ANO10: variants seen among roughly 807,000 people sequenced by gnomAD.
ANO10 encodes anoctamin-10.
A neutral mutation model predicts 74.7 loss-of-function variants in ANO10; 77 were observed. The ratio of observed to expected loss-of-function variants is 1.03; its 90% CI spans 0.86 to 1.25. ANO10 has a LOEUF of 1.25. Among genes scored for constraint, ANO10 ranks in the 50% most tolerant of loss-of-function variants. The probability of loss-of-function intolerance (pLI) is 0.00; values close to 1 mark genes in which losing one functional copy is unlikely to be tolerated. For synonymous variants in ANO10, 279 were observed against 284.9 expected, an observed-to-expected ratio of 0.98 and a Z score of 0.21; for missense variants, 721 against 778.1, an observed-to-expected ratio of 0.93 and a Z score of 0.87.
chr3:43,404,684 C>G (rs1444462528), intron 12 of ANO10, among the ~76,000 whole-genome samples: 1 of 151,678 alleles, frequency 6.6e-6, no homozygotes, highest in African/African-American at 2.4e-5. Context: ...GAGTTTGAGA[C>G]CAGTCTAGGC....
At chr3:43,658,428 T>C (rs896738416) in intron 1 of ANO10, among the ~76,000 whole-genome samples, 39 of 151,994 alleles carry the variant, frequency 2.6e-4, no homozygotes, top group Non-Finnish European at 1.9e-4. Context: ...ATGAATATGG[T>C]GTGAAAGAAG....
chr3:43,670,992 C>A (rs2084052504), intron 1 of ANO10, among the ~76,000 whole-genome samples: 1 of 152,144 alleles, frequency 6.6e-6, no homozygotes, highest in South Asian at 2.1e-4. Context: ...AGCAAAGAAA[C>A]AGAGAAAAGA....
At chr3:43,573,089 CAAT>C (rs960312846) in intron 7 of ANO10, among the ~76,000 whole-genome samples, 8 of 151,040 alleles carry the variant, frequency 5.3e-5, no homozygotes, top group African/African-American at 2.0e-4. Flanking sequence ...TTAAGACAAA[CAAT>C]GTTTTTACCT....
intron 7 of ANO10, among the ~76,000 whole-genome samples, chr3:43,566,017 C>A (rs1293960559): frequency 6.6e-6 from 1 of 152,132 alleles, no homozygotes; most frequent in African/African-American, 2.4e-5. Context: ...GCATTGCCTC[C>A]CTTGGGAAGC....
In ANO10 at chr3:43,479,694, G is replaced by A. The variant is rs896613491; in HGVS notation, c.1798-46967C>T. On this transcript the variant is annotated intron_variant, in intron 11 of 12. Transcript: ENST00000292246. ...ACCTGGGAGACTTCTGGATTAAACA[G>A]ATGAACTTACGTCTGCTCTCCCCTC... 8.5e-5 allele frequency among the ~76,000 whole-genome samples: 13 copies of A among 152,332 alleles called. 1 individual carries two copies. The highest frequency in any genetic ancestry group is 7.7e-4 in the East Asian group (4 of 5,186).
At chr3:43,603,923 G>T (rs1189411152) in intron 2 of ANO10, among the ~76,000 whole-genome samples, 1 of 152,156 alleles carries the variant, frequency 6.6e-6, no homozygotes, top group South Asian at 2.1e-4. Flanking sequence ...GTAGGGGAAA[G>T]GGGAATGGTA....
chr3:43,457,797 TGGA>T (rs1452552109), intron 11 of ANO10, among the ~76,000 whole-genome samples: 4 of 152,182 alleles, frequency 2.6e-5, no homozygotes, highest in African/African-American at 4.8e-5. Flanking sequence ...CAGTACCAGG[TGGA>T]AATCAAATTA....
At chr3:43,387,747 G>C (rs140326505) in intron 12 of ANO10, among the ~76,000 whole-genome samples, 1 of 152,142 alleles carries the variant, frequency 6.6e-6, no homozygotes, top group Non-Finnish European at 1.5e-5. Context: ...TTCTGTGGGG[G>C]AGCTCCTCTG....
At chr3:43,603,132 T>C (rs775548921) in intron 2 of ANO10, among the ~76,000 whole-genome samples, 57 of 152,222 alleles carry the variant, frequency 3.7e-4, no homozygotes, top group Non-Finnish European at 7.1e-4. Context: ...CAAAAGTTGC[T>C]GTCTTATCAT....
At chr3:43,629,436 C>T (rs1220440085) in intron 1 of ANO10, among the ~76,000 whole-genome samples, 1 of 152,046 alleles carries the variant, frequency 6.6e-6, no homozygotes, top group Non-Finnish European at 1.5e-5. Flanking sequence ...CTTATTTAGC[C>T]TTTATTCTAA....
At chr3:43,461,451 G>T (rs1316862280) in intron 11 of ANO10, among the ~76,000 whole-genome samples, 1 of 152,194 alleles carries the variant, frequency 6.6e-6, no homozygotes, top group Non-Finnish European at 1.5e-5. Context: ...CAATTGATAT[G>T]GTTTGGCTGT....
At position 43,644,948 on chromosome 3, in the gene ANO10, A is replaced by T. The variant is rs529461031; in HGVS notation, c.-11-39085T>A. ...ATGCCTTCTTGTTCATTGAGTGTGC[A>T]GCCTGTGTCCTGCCAGAACCTGGCT... On this transcript the variant is annotated intron_variant, in intron 1 of 3. Coordinates refer to the ANO10 transcript ENST00000413397. 5.9e-5 allele frequency among the ~76,000 whole-genome samples: 9 copies of T among 152,312 alleles called. No homozygotes were observed. In the South Asian group the frequency reaches 1.9e-3, roughly 32 times the overall value.
chr3:43,686,871 C>A (rs1204797718), intron 1 of ANO10, among the ~76,000 whole-genome samples: 1 of 152,108 alleles, frequency 6.6e-6, no homozygotes, highest in Non-Finnish European at 1.5e-5. Flanking sequence ...GGAACACAGG[C>A]ATAACTAGGA....
intron 11 of ANO10, among the ~76,000 whole-genome samples, chr3:43,489,020 G>A (rs1446008547): frequency 3.3e-5 from 5 of 151,782 alleles, no homozygotes; most frequent in African/African-American, 1.2e-4. Context: ...GTCCTTTGTA[G>A]GGACATGGAT....
upstream of ANO10, among the ~76,000 whole-genome samples, chr3:43,626,809 A>G (rs2083496737): frequency 6.6e-6 from 1 of 152,112 alleles, no homozygotes; most frequent in Admixed American, 6.6e-5. Context: ...TGTCTTATTA[A>G]TCTGTTGGTT....
chr3:43,642,534 T>C (rs940577531), intron 1 of ANO10, among the ~76,000 whole-genome samples: 1 of 152,190 alleles, frequency 6.6e-6, no homozygotes, highest in African/African-American at 2.4e-5. Flanking sequence ...TTGTTTTCCA[T>C]TTTAGGATTT....
intron 1 of ANO10, among the ~76,000 whole-genome samples, chr3:43,673,799 T>C (rs2084088785): frequency 6.6e-6 from 1 of 152,086 alleles, no homozygotes; most frequent in African/African-American, 2.4e-5. Context: ...GACTTTAAAT[T>C]TTCTGGGGCT....
intron 11 of ANO10, among the ~76,000 whole-genome samples, chr3:43,540,979 T>C (rs1371922027): frequency 6.6e-6 from 1 of 151,982 alleles, no homozygotes; most frequent in Non-Finnish European, 1.5e-5. Context: ...TTTATCCAGA[T>C]AACAGCTAAA....
intron 1 of ANO10, among the ~76,000 whole-genome samples, chr3:43,665,216 T>A (rs2083975337): frequency 6.6e-6 from 1 of 152,142 alleles, no homozygotes; most frequent in Non-Finnish European, 1.5e-5. Flanking sequence ...TGAGTTCATG[T>A]CTTTGCAGGG....
Sources: gnomAD v4.1 joint callset for allele counts (sites outside exome capture counted in the v4.1 genomes callset) on GRCh38, gnomAD v4.1.1 for gene constraint, MANE v1.5 for transcripts, NCBI Gene and HGNC (gene_info 2026-07-23, HGNC 2026-07-21) for gene names.